The following HK1 variants were observed in gnomAD, a reference collection of about 807,000 sequenced individuals.
HK1 encodes the protein hexokinase 1, also known as hexokinase-1.
Under a neutral mutation model 91.6 loss-of-function variants are expected in HK1, and 28 were observed. The ratio of observed to expected loss-of-function variants is 0.31; its 90% CI spans 0.23 to 0.42. The LOEUF (loss-of-function observed/expected upper bound fraction) is 0.42. Ranked by LOEUF, HK1 falls within the 10% of genes least tolerant of loss-of-function variation. The pLI is 1.00. For missense variants in HK1, 770 were observed against 1,219.8 expected (o/e 0.63, Z 5.49); for synonymous variants, 430 against 468.1 (o/e 0.92, Z 1.05).
chr10:69,344,418 G>T (rs1026752143), intron 2 of HK1, among the ~76,000 whole-genome samples: 1 of 151,702 alleles, frequency 6.6e-6, no homozygotes, highest in Non-Finnish European at 1.5e-5. Flanking sequence ...GGGAATCAAA[G>T]CTTCCCTCTC....
At chr10:69,327,412 T>G (rs966842761) in intron 1 of HK1, among the ~76,000 whole-genome samples, 3 of 152,250 alleles carry the variant, frequency 2.0e-5, no homozygotes, top group African/African-American at 7.2e-5. Context: ...ACTGTTTCAT[T>G]AAACTGCTCT....
intron 2 of HK1, among the ~76,000 whole-genome samples, chr10:69,353,997 C>T (rs1379620782): frequency 6.6e-6 from 1 of 152,176 alleles, no homozygotes; most frequent in Admixed American, 6.5e-5. Flanking sequence ...CTCGTGTGAA[C>T]GAGCCCTCGA....
intron 2 of HK1, among the ~76,000 whole-genome samples, chr10:69,353,486 G>A (rs750430982): frequency 6.6e-6 from 1 of 152,052 alleles, no homozygotes; most frequent in Non-Finnish European, 1.5e-5. Context: ...CCAGCTACTC[G>A]GGAGGTTGAG....
intron 1 of HK1, among the ~76,000 whole-genome samples, chr10:69,326,336 G>GTAT (rs1390894812): frequency 6.6e-6 from 1 of 152,166 alleles, no homozygotes; most frequent in African/African-American, 2.4e-5. Context: ...AGTACAGGAA[G>GTAT]TATTATTCCC....
chr10:69,279,791 C>T (rs930422222), intron 1 of HK1, among the ~76,000 whole-genome samples: 2 of 152,154 alleles, frequency 1.3e-5, no homozygotes, highest in Non-Finnish European at 2.9e-5. Context: ...ATCAGGACCT[C>T]GCAAAATTTA....
At chr10:69,399,804 AT>A (rs1423622716) in intron 17 of HK1, among the ~76,000 whole-genome samples, 4 of 152,138 alleles carry the variant, frequency 2.6e-5, no homozygotes, top group African/African-American at 4.8e-5. Flanking sequence ...GCTAATAATT[AT>A]TACTCTGGGA....
upstream of HK1, among the ~76,000 whole-genome samples, chr10:69,311,975 A>G (rs987448437): frequency 6.6e-6 from 1 of 152,074 alleles, no homozygotes; most frequent in African/African-American, 2.4e-5. Flanking sequence ...TGTCAGGCTC[A>G]GAGGCAATTT....
chr10:69,369,383 A>G lies in HK1; in HGVS notation c.691+47A>G. 1 of 1,613,492 alleles carries G rather than the reference A, an allele frequency of 6.2e-7. No homozygotes were observed. The highest frequency in any genetic ancestry group is 8.5e-7 in the Non-Finnish European group (1 of 1,179,370). On this transcript the variant is annotated intron_variant, in intron 6 of 17. Coordinates refer to ENST00000359426, the MANE Select transcript of HK1 (RefSeq NM_000188.3). The surrounding 1 kb of genome is among the most constrained non-coding windows in gnomAD (Gnocchi z 4.4). ...ATCCATTTGTTCGGCCCATCTTTCCAGGTGGCTCTGCACCCTCCCCGTTGT... is the reference window on the plus strand; with the variant it reads ...ATCCATTTGTTCGGCCCATCTTTCCGGGTGGCTCTGCACCCTCCCCGTTGT...
chr10:69,397,183 G>A (rs1840180824), intron 16 of HK1, among the ~76,000 whole-genome samples: 1 of 152,100 alleles, frequency 6.6e-6, no homozygotes, highest in Admixed American at 6.6e-5. Flanking sequence ...TGGACTTGCG[G>A]GATCATATGG....
chr10:69,350,236 G>A (rs1199498133), intron 2 of HK1, among the ~76,000 whole-genome samples: 1 of 152,212 alleles, frequency 6.6e-6, no homozygotes, highest in Non-Finnish European at 1.5e-5. Context: ...CCTGGATTAC[G>A]CATTGGTACC....
intron 1 of HK1, among the ~76,000 whole-genome samples, chr10:69,342,614 G>T (rs145252388): frequency 6.6e-6 from 1 of 152,194 alleles, no homozygotes; most frequent in Admixed American, 6.5e-5. Flanking sequence ...GCATTGCAAG[G>T]CTTTGGGCAG....
At chr10:69,292,809 T>A (rs1845358647) in intron 3 of HK1, among the ~76,000 whole-genome samples, 1 of 152,078 alleles carries the variant, frequency 6.6e-6, no homozygotes, top group African/African-American at 2.4e-5. Flanking sequence ...TCCTATGAGA[T>A]CTCCAAGTTG....
upstream of HK1, among the ~76,000 whole-genome samples, chr10:69,316,550 C>T (rs1457587273): frequency 6.6e-6 from 1 of 152,210 alleles, no homozygotes; most frequent in African/African-American, 2.4e-5. Flanking sequence ...AGGAATGAGT[C>T]ACCTTGAGAA....
Position 69,292,847 on chromosome 10 carries a change from C to T in HK1, c.-114-2786C>T, listed in dbSNP as rs544720966. Among the ~76,000 whole-genome samples the T allele has an allele frequency of 5.3e-5, 8 of 152,242 alleles. No homozygotes were observed. In the South Asian group the frequency reaches 1.2e-3, roughly 24 times the overall value. On this transcript the variant is annotated intron_variant, in intron 3 of 21. Coordinates refer to the HK1 transcript ENST00000360289. ...AGCAGAGTCCTTTGAAGTCCCTAGG[C>T]GTCACCAATATACTTGAGTTTGGGC... is the stretch of plus-strand genomic sequence containing the variant.
At chr10:69,351,794 A>G (rs1169375147) in intron 2 of HK1, among the ~76,000 whole-genome samples, 3 of 152,188 alleles carry the variant, frequency 2.0e-5, no homozygotes, top group Non-Finnish European at 4.4e-5. Context: ...GCTCATCTGT[A>G]GAATGGGCAT....
At position 69,342,295 on chromosome 10, in the gene HK1, G is replaced by A. The variant is rs115671883; in HGVS notation, c.64-1532G>A. ...CTTCTGTGTGCAAGGCTCCATGTGA[G>A]GCACTGGGGAGGTCAGGGTGACACG... On this transcript the variant is annotated intron_variant, in intron 1 of 17. Coordinates refer to ENST00000359426, the MANE Select transcript of HK1 (RefSeq NM_000188.3). Among the ~76,000 whole-genome samples the A allele has an allele frequency of 4.4e-3, 667 of 152,344 alleles. 4 individuals are homozygous for A. Among genetic ancestry groups the A allele is most frequent in the African/African-American group, 0.015 (628 of 41,584 alleles).
rs148173131 is a variant in HK1, at chr10:69,369,925, A to G, written c.875+301A>G. Among the ~76,000 whole-genome samples, 21 of 152,178 alleles carry G rather than the reference A, an allele frequency of 1.4e-4. 1 individual carries two copies. The highest frequency in any genetic ancestry group is 5.1e-4 in the African/African-American group (21 of 41,526). ...GCTAATTTTTGTATTTTTAGTAGAG[A>G]CAGAGTTTCACCATGTTGGCCAGGC... On this transcript the variant is annotated intron_variant, in intron 7 of 17. Coordinates refer to ENST00000359426, the MANE Select transcript of HK1 (RefSeq NM_000188.3). This position sits in a 1 kb window ranked among gnomAD's most constrained non-coding sequence, Gnocchi z 4.4.
intron 4 of HK1, among the ~76,000 whole-genome samples, chr10:69,366,595 C>G (rs1849714776): frequency 6.6e-6 from 1 of 152,142 alleles, no homozygotes; most frequent in Non-Finnish European, 1.5e-5. Flanking sequence ...TCCAACATGT[C>G]TAAATGCCTC....
At chr10:69,313,336 G>T (rs1344074463), upstream of HK1, among the ~76,000 whole-genome samples, 4 of 152,232 alleles carry the variant, frequency 2.6e-5, no homozygotes, top group Non-Finnish European at 5.9e-5. Flanking sequence ...TCCAGCATAT[G>T]CGGGGAAGGC....
Sources: allele counts gnomAD v4.1 joint callset (sites outside exome capture counted in the v4.1 genomes callset), GRCh38; gene constraint gnomAD v4.1.1; non-coding constraint Gnocchi (gnomAD v3.1); transcripts MANE v1.5; gene names NCBI Gene and HGNC (gene_info 2026-07-23, HGNC 2026-07-21).